FMNL2: variants seen among roughly 807,000 people sequenced by gnomAD.
FMNL2 encodes the protein formin-like protein 2.
A neutral mutation model predicts 130.2 loss-of-function variants in FMNL2; 51 were observed. That is an observed-to-expected ratio of 0.39 (90% CI 0.31 to 0.49). The LOEUF is 0.49. Among genes scored for constraint, FMNL2 ranks in the 20% least tolerant of loss-of-function variants. The pLI is 0.85. For missense variants in FMNL2, 977 were observed against 1,316.2 expected (o/e 0.74, Z 3.99); for synonymous variants, 465 against 467.1 (o/e 1.00, Z 0.06).
At chr2:152,534,227 G>A (rs944790967) in intron 2 of FMNL2, among the ~76,000 whole-genome samples, 8 of 152,026 alleles carry the variant, frequency 5.3e-5, no homozygotes, top group Non-Finnish European at 1.0e-4. Context: ...CAGACCCTTC[G>A]CACCACTTAT....
chr2:152,520,887 T>C (rs1020088284), intron 1 of FMNL2, among the ~76,000 whole-genome samples: 2 of 152,194 alleles, frequency 1.3e-5, no homozygotes, highest in African/African-American at 2.4e-5. Flanking sequence ...TTCAGAGAGC[T>C]AGGAGCTTGA....
intron 1 of FMNL2, among the ~76,000 whole-genome samples, chr2:152,404,047 A>G (rs187030209): frequency 6.6e-6 from 1 of 152,234 alleles, no homozygotes; most frequent in South Asian, 2.1e-4. Flanking sequence ...CAGCCTGGTG[A>G]CAGAGCGAGA....
At chr2:152,488,618 A>T (rs114223589) in intron 1 of FMNL2, among the ~76,000 whole-genome samples, 3 of 152,236 alleles carry the variant, frequency 2.0e-5, no homozygotes, top group African/African-American at 7.2e-5. Flanking sequence ...ATATGCACAC[A>T]TATATATACC....
chr2:152,485,970 G>A (rs1690803372), intron 1 of FMNL2, among the ~76,000 whole-genome samples: 1 of 152,146 alleles, frequency 6.6e-6, no homozygotes, highest in African/African-American at 2.4e-5. Context: ...TTTAGAGGAG[G>A]ATTTTATTGT....
At chr2:152,474,212 T>C (rs1401930968) in intron 1 of FMNL2, among the ~76,000 whole-genome samples, 1 of 152,168 alleles carries the variant, frequency 6.6e-6, no homozygotes, top group Non-Finnish European at 1.5e-5. Flanking sequence ...TCTTGTCCCA[T>C]CTCACTTGCT....
At chr2:152,373,872 A>AT (rs976385955) in intron 1 of FMNL2, among the ~76,000 whole-genome samples, 46 of 147,668 alleles carry the variant, frequency 3.1e-4, no homozygotes, top group African/African-American at 6.2e-4. Context: ...ATTTATTACT[A>AT]TTTTTTTTTT....
intron 1 of FMNL2, among the ~76,000 whole-genome samples, chr2:152,449,161 A>G (rs1688507354): frequency 1.3e-5 from 2 of 152,132 alleles, no homozygotes; most frequent in Non-Finnish European, 2.9e-5. Flanking sequence ...TGTCTGTTTT[A>G]GGCACACTTC....
At chr2:152,546,073 CCTCTTTTATA>C in intron 3 of FMNL2, among the ~76,000 whole-genome samples, 1 of 152,014 alleles carries the variant, frequency 6.6e-6, no homozygotes, top group East Asian at 1.9e-4. Context: ...TTCAGTGGAC[CCTCTTTTATA>C]CTCTGCTATG....
chr2:152,612,202 T>G (rs1698719867), intron 11 of FMNL2, among the ~76,000 whole-genome samples: 1 of 152,136 alleles, frequency 6.6e-6, no homozygotes, highest in Non-Finnish European at 1.5e-5. Flanking sequence ...AGTTCTTCAG[T>G]TAAGAAACAG....
intron 9 of FMNL2, among the ~76,000 whole-genome samples, chr2:152,596,670 C>G (rs1697788811): frequency 6.6e-6 from 1 of 152,196 alleles, no homozygotes; most frequent in Admixed American, 6.5e-5. Context: ...TTTGTAATCT[C>G]AGCACTTAGG....
At chr2:152,508,183 G>C (rs1230772280) in intron 1 of FMNL2, among the ~76,000 whole-genome samples, 4 of 152,144 alleles carry the variant, frequency 2.6e-5, no homozygotes, top group Admixed American at 6.5e-5. Flanking sequence ...GTGGGCAGCT[G>C]ACTGGGATGG....
At chr2:152,596,978 A>G (rs1290096401) in intron 9 of FMNL2, among the ~76,000 whole-genome samples, 4 of 152,256 alleles carry the variant, frequency 2.6e-5, no homozygotes, top group South Asian at 2.1e-4. Flanking sequence ...TGCACCTTGA[A>G]TGAATTTATA....
At chr2:152,479,527 TTGAGTA>T (rs2105223991) in intron 1 of FMNL2, among the ~76,000 whole-genome samples, 1 of 152,288 alleles carries the variant, frequency 6.6e-6, no homozygotes. Context: ...CTTCTATAGT[TTGAGTA>T]TGTCATCTTT....
intron 11 of FMNL2, among the ~76,000 whole-genome samples, chr2:152,613,212 A>T (rs767384269): frequency 6.6e-6 from 1 of 152,220 alleles, no homozygotes; most frequent in Non-Finnish European, 1.5e-5. Flanking sequence ...ACTCTTTCTT[A>T]CTTTGAGATC....
rs78259103 is a variant in FMNL2, at chr2:152,572,536, G to A, written c.597-2600G>A. ...TAGATAGTGTGAGCTTCTGCAGGGC[G>A]CAGTGGCTCATGCTTTTAATCCCAG... On this transcript the variant is annotated intron_variant, in intron 6 of 25. Transcript: ENST00000288670. 4.6e-3 allele frequency among the ~76,000 whole-genome samples: 701 copies of A among 152,202 alleles called. 1 individual carries two copies. The highest frequency in any genetic ancestry group is 0.016 in the African/African-American group (668 of 41,526).
At chr2:152,556,447 G>A (rs994310189) in intron 4 of FMNL2, among the ~76,000 whole-genome samples, 2 of 152,046 alleles carry the variant, frequency 1.3e-5, no homozygotes, top group African/African-American at 2.4e-5. Context: ...AATTGTCTTT[G>A]AGGCCCTTTC....
At chr2:152,570,047 G>C (rs886427626) in intron 6 of FMNL2, among the ~76,000 whole-genome samples, 1 of 151,016 alleles carries the variant, frequency 6.6e-6, no homozygotes, top group Non-Finnish European at 1.5e-5. Context: ...TGCAAAAATC[G>C]CTTAGTTTTT....
rs1398555244 is a variant in FMNL2 at position 152,521,991 on chromosome 2, G to A, written c.166G>A (p.Asp56Asn). ...CAAAGCCAGGTTACTGCGGCAGTAT[G>A]ATAATGAGAAAAAATGGGAACTGAT... ...PDKARLLRQY[D>N]NEKKWELICD... The change falls in exon 2 of 26, where the codon GAT becomes AAT. Residue 56 changes from aspartate (D) to asparagine (N), a missense_variant. Asp to Asn is a conservative substitution (Grantham distance 23). Coordinates refer to ENST00000288670, the MANE Select transcript of FMNL2 (RefSeq NM_052905.4). The A allele has an allele frequency of 6.2e-7, 1 of 1,610,386 alleles. No individual in the cohort carries two copies. Among genetic ancestry groups the A allele is most frequent in the Non-Finnish European group, 8.5e-7 (1 of 1,178,936 alleles).
intron 2 of FMNL2, among the ~76,000 whole-genome samples, chr2:152,529,438 T>A (rs529318903): frequency 6.6e-6 from 1 of 152,290 alleles, no homozygotes; most frequent in African/African-American, 2.4e-5. Flanking sequence ...ACTCTTCATT[T>A]TCTTGAGCTC....
Sources: gnomAD v4.1 joint callset for allele counts (sites outside exome capture counted in the v4.1 genomes callset) on GRCh38, gnomAD v4.1.1 for gene constraint, MANE v1.5 for transcripts, NCBI Gene and HGNC (gene_info 2026-07-23, HGNC 2026-07-21) for gene names.